Variants in ELAVL3 observed in about 807,000 individuals in gnomAD.
The protein encoded by ELAVL3 is ELAV like RNA binding protein 3, also known as ELAV-like protein 3.
Under a neutral mutation model 34.2 loss-of-function variants are expected in ELAVL3, and 8 were observed. The ratio of observed to expected loss-of-function variants is 0.23; its 90% CI spans 0.14 to 0.42. The LOEUF is 0.42. Among genes scored for constraint, ELAVL3 ranks in the 10% least tolerant of loss-of-function variants. The pLI is 1.00. For missense variants in ELAVL3, 273 were observed against 518.8 expected, an observed-to-expected ratio of 0.53 and a Z score of 4.60; for synonymous variants, 209 against 222.1, an observed-to-expected ratio of 0.94 and a Z score of 0.53.
intron 1 of ELAVL3, among the ~76,000 whole-genome samples, chr19:11,478,831 C>A (rs1156387334): frequency 6.6e-6 from 1 of 152,186 alleles, no homozygotes; most frequent in African/African-American, 2.4e-5. Flanking sequence ...CGGCCCCTGG[C>A]CCCAGTCACA....
rs888053679 is a variant in ELAVL3 at position 11,458,849 on chromosome 19, G to A, written c.334-238C>T. Among the ~76,000 whole-genome samples the A allele has an allele frequency of 3.3e-5, 5 of 152,074 alleles. No individual in the cohort carries two copies. The highest frequency in any genetic ancestry group is 5.9e-5 in the Non-Finnish European group (4 of 68,018). On this transcript the variant is annotated intron_variant, in intron 3 of 6. Transcript: ENST00000359227. This position sits in a 1 kb window ranked among gnomAD's most constrained non-coding sequence, Gnocchi z 7.3. Reference sequence around the variant, plus strand: ...GAGTGATGGGGACCTGCCACCTAGGGAGGACATGTCTCCCTGGGGTGACAT... The same window carrying A: ...GAGTGATGGGGACCTGCCACCTAGGAAGGACATGTCTCCCTGGGGTGACAT...
Position 11,451,760 on chromosome 19 carries a change from TC to T in ELAVL3, c.*2765del, listed in dbSNP as rs1186996450. ...GAGTTTTGTGTTTTAGAAAAAGAAG[TC>T]CCCTCCCAGTCTTGGGGGTGGCAGG... On this transcript the variant is annotated 3_prime_UTR_variant, in exon 7 of 7. Transcript: ENST00000359227. 6.7e-6 allele frequency: 1 copy of T among 149,048 alleles called. No individual in the cohort carries two copies. The highest frequency in any genetic ancestry group is 2.5e-5 in the African/African-American group (1 of 40,106). The allele number at this position is 149,048 out of a possible 1,614,324, so 9.2% of individuals were successfully genotyped here. A position where few individuals can be genotyped will look rare whatever the true frequency, so the allele number is the denominator to read the frequency against.
intron 3 of ELAVL3, among the ~76,000 whole-genome samples, chr19:11,464,829 C>T (rs1369045908): frequency 6.8e-5 from 9 of 132,736 alleles, no homozygotes; most frequent in African/African-American, 2.6e-4. Flanking sequence ...ACACACACCA[C>T]ACACAAACCA....
chr19:11,472,419 G>A (rs970527821), intron 1 of ELAVL3, among the ~76,000 whole-genome samples: 1 of 152,126 alleles, frequency 6.6e-6, no homozygotes, highest in African/African-American at 2.4e-5. Context: ...ACCACATTTA[G>A]GCAAGGCGTG....
At chr19:11,464,925 CCACACATATA>C (rs1970998735) in intron 3 of ELAVL3, among the ~76,000 whole-genome samples, 2 of 126,420 alleles carry the variant, frequency 1.6e-5, no homozygotes, top group Admixed American at 1.6e-4. Flanking sequence ...CACACACACA[CCACACATATA>C]CACACACCAC....
In ELAVL3 at chr19:11,480,781, A is replaced by C; in HGVS notation, c.-173T>G. ...CCTCGAGGGCCAGGGACGGGCCCGA[A>C]CCCGGGGATGCGCGCGCGGATGGCC... On this transcript the variant is annotated 5_prime_UTR_variant, in exon 1 of 7. Coordinates refer to ENST00000359227, the MANE Select transcript of ELAVL3 (RefSeq NM_001420.4). The surrounding 1 kb of genome is among the most constrained non-coding windows in gnomAD (Gnocchi z 6.8). The C allele has an allele frequency of 3.9e-6, 2 of 510,928 alleles. No individual in the cohort carries two copies. The highest frequency in any genetic ancestry group is 6.1e-6 in the Non-Finnish European group (2 of 328,542). The allele number at this position is 510,928 out of a possible 1,614,324, so 31.6% of individuals were successfully genotyped here.
chr19:11,462,447 G>C (rs1412459355), intron 3 of ELAVL3, among the ~76,000 whole-genome samples: 1 of 151,176 alleles, frequency 6.6e-6, no homozygotes, highest in East Asian at 2.0e-4. Flanking sequence ...GACCACCCTG[G>C]CCAACATGGT....
At chr19:11,455,004 ATT>A in intron 6 of ELAVL3, 127 bp from the exon 7 acceptor site, 20 of 867,624 alleles carry the variant, frequency 2.3e-5, no homozygotes, top group Non-Finnish European at 3.2e-5. Flanking sequence ...CTGCAATGCA[ATT>A]TTTTTTTTTA....
chr19:11,455,652 C>T (rs1308667439), intron 6 of ELAVL3, among the ~76,000 whole-genome samples: 2 of 151,604 alleles, frequency 1.3e-5, no homozygotes, highest in South Asian at 2.1e-4. Context: ...AGGCTGGTCT[C>T]GAACTCCTGG....
chr19:11,471,743 T>A (rs1248058854), intron 1 of ELAVL3, among the ~76,000 whole-genome samples: 4 of 152,080 alleles, frequency 2.6e-5, no homozygotes, highest in East Asian at 3.9e-4. Context: ...CATGAGCCAC[T>A]GAACCTGGCC....
At chr19:11,469,243 A>G (rs1353817521) in intron 1 of ELAVL3, among the ~76,000 whole-genome samples, 1 of 151,970 alleles carries the variant, frequency 6.6e-6, no homozygotes, top group African/African-American at 2.4e-5. Context: ...TTTAGCTTTA[A>G]TACATTAATG....
rs1233678323 is a variant in ELAVL3, at chr19:11,466,613, A to C, written c.224T>G (p.Ile75Ser). 1 of 1,613,816 alleles carries C rather than the reference A, an allele frequency of 6.2e-7. No homozygotes were observed. Among genetic ancestry groups the C allele is most frequent in the African/African-American group, 1.3e-5 (1 of 74,922 alleles). Residue 75 changes from isoleucine (I) to serine (S), a missense_variant, in exon 2 of 7, where the codon ATC becomes AGC. Physicochemically the swap from Ile to Ser is moderately radical, Grantham distance 142. This residue lies in a region of ELAVL3 where 102 missense variants were observed against 250.1 expected (regional missense o/e 0.41). Transcript: ENST00000359227. The surrounding 1 kb of genome is among the most constrained non-coding windows in gnomAD (Gnocchi z 5.0). ...CGCAACTCCAGCAGCCACACCTGTG[A>C]TCTTGTCCCGAACCAACTTGCAGGA... is the stretch of plus-strand genomic sequence containing the variant. Reference protein sequence around the residue: ...IESCKLVRDKITGQSLGYGFV... With the variant: ...IESCKLVRDKSTGQSLGYGFV...
At chr19:11,478,343 A>C (rs751907477) in intron 1 of ELAVL3, among the ~76,000 whole-genome samples, 1 of 152,094 alleles carries the variant, frequency 6.6e-6, no homozygotes, top group Non-Finnish European at 1.5e-5. Flanking sequence ...GCTTAGCGGG[A>C]CCAGTATCTC....
At chr19:11,478,606 T>C (rs944627388) in intron 1 of ELAVL3, among the ~76,000 whole-genome samples, 1 of 152,144 alleles carries the variant, frequency 6.6e-6, no homozygotes, top group African/African-American at 2.4e-5. Flanking sequence ...CTCCCCCGAC[T>C]TTTGGTTTCT....
chr19:11,479,978 C>T (rs1263270920), intron 1 of ELAVL3, among the ~76,000 whole-genome samples: 3 of 151,128 alleles, frequency 2.0e-5, no homozygotes, highest in African/African-American at 2.4e-5. Flanking sequence ...GCCCGAGGCG[C>T]CCGCGCGAGG....
At position 11,466,156 on chromosome 19, in the gene ELAVL3, A is replaced by T; in HGVS notation, c.333+16T>A. 2 of 1,612,204 alleles carry T rather than the reference A, an allele frequency of 1.2e-6. No individual in the cohort carries two copies. Among genetic ancestry groups the T allele is most frequent in the Non-Finnish European group, 1.7e-6 (2 of 1,178,652 alleles). On this transcript the variant is annotated intron_variant, in intron 3 of 6. Coordinates refer to ENST00000359227, the MANE Select transcript of ELAVL3 (RefSeq NM_001420.4). The surrounding 1 kb of genome is among the most constrained non-coding windows in gnomAD (Gnocchi z 5.0). ...GGGGTGGGCGGTCATGGGGGATTGG[A>T]GAAGGAGGCACCAACCTTGATGGTC... is the stretch of plus-strand genomic sequence containing the variant.
chr19:11,464,151 C>CTCTCTCTCTCTA (rs1215435723), intron 3 of ELAVL3, among the ~76,000 whole-genome samples: 150 of 86,424 alleles, frequency 1.7e-3, no homozygotes, highest in African/African-American at 5.0e-3. Flanking sequence ...CTCTCTCTCT[C>CTCTCTCTCTCTA]TATATATATA....
At chr19:11,478,861 C>T (rs1971313395) in intron 1 of ELAVL3, among the ~76,000 whole-genome samples, 2 of 152,162 alleles carry the variant, frequency 1.3e-5, no homozygotes, top group Admixed American at 6.6e-5. Context: ...GCCTGGATAC[C>T]GGCGACAATA....
At chr19:11,457,538 A>G (rs1411795848) in intron 5 of ELAVL3, among the ~76,000 whole-genome samples, 2 of 152,170 alleles carry the variant, frequency 1.3e-5, no homozygotes, top group African/African-American at 4.8e-5. Context: ...GGGGCCCACA[A>G]GGGGCTTCCA....
Sources: allele counts gnomAD v4.1 joint callset (sites outside exome capture counted in the v4.1 genomes callset), GRCh38; gene constraint gnomAD v4.1.1; regional missense constraint gnomAD v4.1.1; non-coding constraint Gnocchi (gnomAD v3.1); transcripts MANE v1.5; gene names NCBI Gene and HGNC (gene_info 2026-07-23, HGNC 2026-07-21).